The following UPB1 variants were observed in gnomAD, a reference collection of about 807,000 sequenced individuals.
UPB1 encodes beta-ureidopropionase.
Under a neutral mutation model 49.1 loss-of-function variants are expected in UPB1, and 40 were observed. The ratio of observed to expected loss-of-function variants is 0.81; its 90% CI spans 0.63 to 1.06. UPB1 has a LOEUF of 1.06. Ranked by LOEUF, UPB1 falls within the 50% of genes least tolerant of loss-of-function variation. The probability of loss-of-function intolerance (pLI) is 0.00; values close to 1 mark genes in which losing one functional copy is unlikely to be tolerated. For missense variants in UPB1, 499 were observed against 505.9 expected (o/e 0.99, Z 0.13); for synonymous variants, 207 against 198.2 (o/e 1.04, Z -0.38).
chr22:24,498,832 G>A (rs141454590), intron 1 of UPB1, among the ~76,000 whole-genome samples: 85 of 152,322 alleles, frequency 5.6e-4, no homozygotes, highest in South Asian at 1.0e-3. Flanking sequence ...CTGGCTCCCA[G>A]GCCCACAGGC....
intron 2 of UPB1, 64 bp downstream of exon 2, chr22:24,500,342 C>A: frequency 6.2e-7 from 1 of 1,604,402 alleles, no homozygotes; most frequent in Non-Finnish European, 8.5e-7. Context: ...TGGAGCACAC[C>A]TGCAGGCCCT....
chr22:24,517,124 CATTT>C (rs1443849145), intron 6 of UPB1, among the ~76,000 whole-genome samples: 11 of 152,184 alleles, frequency 7.2e-5, no homozygotes, highest in Non-Finnish European at 1.5e-4. Flanking sequence ...CCCCATTCAA[CATTT>C]ATTTACATAG....
rs2044474472 is a variant in UPB1 at position 24,525,843 on chromosome 22, G to GTC, written c.*49_*50insTC. The GTC allele has an allele frequency of 6.2e-7, 1 of 1,605,498 alleles. No individual in the cohort carries two copies. Among genetic ancestry groups the GTC allele is most frequent in the Non-Finnish European group, 8.5e-7 (1 of 1,172,392 alleles). On this transcript the variant is annotated 3_prime_UTR_variant, in exon 10 of 10. Coordinates refer to ENST00000326010, the MANE Select transcript of UPB1 (RefSeq NM_016327.3). ...GTGAGGAAGACACCTCTGCCCCAGT[G>GTC]GATTAGCAAGTGTGGCAGGCTTAAC...
chr22:24,519,599 C>G (rs1361608255), intron 6 of UPB1, among the ~76,000 whole-genome samples: 2 of 152,188 alleles, frequency 1.3e-5, no homozygotes, highest in Non-Finnish European at 2.9e-5. Context: ...GGCCACTAGC[C>G]CACTGGCCAG....
rs746375797 is a variant in UPB1, at chr22:24,495,484, C to T, written c.81C>T (p.Arg27=). 3.2e-5 allele frequency: 52 copies of T among 1,614,080 alleles called. No homozygotes were observed. The highest frequency in any genetic ancestry group is 6.7e-5 in the East Asian group (3 of 44,874). Reference sequence around the variant, plus strand: ...TCCCCGACTTGCAGGAAGTGAAGCGCGTTCTCTATGGCAAGGAACTCAGGT... The same window carrying T: ...TCCCCGACTTGCAGGAAGTGAAGCGTGTTCTCTATGGCAAGGAACTCAGGT... ...LPLPDLQEVK[R]VLYGKELRKL... is the part of the protein sequence containing the mutation. The change falls in exon 1 of 10, where the codon CGC becomes CGT. Residue 27 remains arginine (R), a synonymous_variant. Transcript: ENST00000326010.
chr22:24,495,695 T>C (rs1006533577), intron 1 of UPB1, among the ~76,000 whole-genome samples, 188 bp downstream of exon 1: 1 of 152,072 alleles, frequency 6.6e-6, no homozygotes, highest in Non-Finnish European at 1.5e-5. Flanking sequence ...TGCAGAATCC[T>C]GGCGTGACCT....
At chr22:24,508,963 C>G (rs1377168666) in intron 3 of UPB1, among the ~76,000 whole-genome samples, 1 of 152,134 alleles carries the variant, frequency 6.6e-6, no homozygotes, top group Admixed American at 6.5e-5. Flanking sequence ...TTAGTCCAGA[C>G]AAGGATTGAG....
At position 24,521,990 on chromosome 22, in the gene UPB1, A is replaced by C; in HGVS notation, c.878A>C (p.His293Pro). Residue 293 changes from histidine (H) to proline (P), a missense_variant, in exon 8 of 10, where the codon CAC (histidine) becomes CCC (proline). Coordinates refer to ENST00000326010, the MANE Select transcript of UPB1 (RefSeq NM_016327.3). ...TACCTTGGTCTTATTTCACAGGAGC[A>C]CTTCCCGAACGAGTTTACCTCGGGA... The part of the protein sequence containing the change: ...TCAINRVGTE[H>P]FPNEFTSGDG... 6.2e-7 allele frequency: 1 copy of C among 1,614,134 alleles called. No individual in the cohort carries two copies. Among genetic ancestry groups the C allele is most frequent in the East Asian group, 2.2e-5 (1 of 44,878 alleles).
At position 24,500,092 on chromosome 22, in the gene UPB1, T is replaced by C; in HGVS notation, c.105-15T>C. The C allele has an allele frequency of 6.2e-7, 1 of 1,614,100 alleles. No individual in the cohort carries two copies. Among genetic ancestry groups the C allele is most frequent in the African/African-American group, 1.3e-5 (1 of 75,064 alleles). On this transcript the variant is annotated splice_polypyrimidine_tract_variant and intron_variant, in intron 1 of 9. Transcript: ENST00000326010. ...GCATCAAAATCCCCTTCCCTCTTTT[T>C]TCCTGCCCATCTAGGAAGCTTGATC... is the stretch of plus-strand genomic sequence containing the variant.
intron 9 of UPB1, among the ~76,000 whole-genome samples, chr22:24,524,771 T>A (rs1226985578): frequency 6.6e-6 from 1 of 152,232 alleles, no homozygotes; most frequent in Non-Finnish European, 1.5e-5. Flanking sequence ...ATTATAGACA[T>A]AAGCCACTGT....
At chr22:24,520,363 G>A in intron 6 of UPB1, 24 bp from the exon 7 acceptor site, 3 of 1,613,706 alleles carry the variant, frequency 1.9e-6, no homozygotes, top group Non-Finnish European at 2.5e-6. Flanking sequence ...CGGCAACCTG[G>A]TTCCTCTTGG....
At chr22:24,522,218 A>G (rs1341725156) in intron 8 of UPB1, among the ~76,000 whole-genome samples, 190 bp downstream of exon 8, 1 of 152,042 alleles carries the variant, frequency 6.6e-6, no homozygotes, top group African/African-American at 2.4e-5. Flanking sequence ...GGGTGTGGAT[A>G]GGCAGTCCTG....
chr22:24,515,628 A>G (rs1202391757), intron 6 of UPB1, among the ~76,000 whole-genome samples: 1 of 152,222 alleles, frequency 6.6e-6, no homozygotes, highest in Non-Finnish European at 1.5e-5. Context: ...GATTCTGAAC[A>G]CTGAGATGAA....
At chr22:24,502,988 A>G (rs772011562) in intron 3 of UPB1, 21 of 157,532 alleles carry the variant, frequency 1.3e-4, no homozygotes, top group Non-Finnish European at 2.8e-4. Flanking sequence ...AGGCCCAAGC[A>G]ATCCTCCCAC....
Position 24,513,471 on chromosome 22 carries a change from G to C in UPB1, c.607G>C (p.Gly203Arg). Residue 203 changes from glycine (G) to arginine (R), a missense_variant, in exon 5 of 10, where the codon GGT (glycine) becomes CGT (arginine). Coordinates refer to ENST00000326010, the MANE Select transcript of UPB1 (RefSeq NM_016327.3). ...CAGGAAAAACCACATCCCCAGAGTGGGTGATTTCAACGAGGTGAGCCACCC... is the reference window on the plus strand; with the variant it reads ...CAGGAAAAACCACATCCCCAGAGTGCGTGATTTCAACGAGGTGAGCCACCC... ...KTRKNHIPRV[G>R]DFNESTYYME... The C allele has an allele frequency of 6.2e-7, 1 of 1,614,048 alleles. No homozygotes were observed. Among genetic ancestry groups the C allele is most frequent in the African/African-American group, 1.3e-5 (1 of 75,036 alleles).
At position 24,500,249 on chromosome 22, in the gene UPB1, C is replaced by G; in HGVS notation, c.247C>G (p.Leu83Val). The G allele has an allele frequency of 2.5e-6, 4 of 1,614,216 alleles. No homozygotes were observed. Among genetic ancestry groups the G allele is most frequent in the Non-Finnish European group, 3.4e-6 (4 of 1,180,042 alleles). Residue 83 changes from leucine (L) to valine (V), a missense_variant, in exon 2 of 10, where the codon CTC becomes GTC. Coordinates refer to ENST00000326010, the MANE Select transcript of UPB1 (RefSeq NM_016327.3). ...GGGGCTGGTTCAGAACAGAATCCCC[C>G]TCCCCGCAAATGCCCCTGTGGCAGA... ...HVGLVQNRIP[L>V]PANAPVAEQV...
chr22:24,505,538 C>T (rs1266669773), intron 3 of UPB1, among the ~76,000 whole-genome samples: 1 of 152,150 alleles, frequency 6.6e-6, no homozygotes, highest in Non-Finnish European at 1.5e-5. Context: ...TTTACTCAAT[C>T]CCTCTGTTTT....
intron 4 of UPB1, among the ~76,000 whole-genome samples, chr22:24,511,223 G>T (rs974186220): frequency 1.3e-5 from 2 of 152,176 alleles, no homozygotes; most frequent in Admixed American, 6.5e-5. Context: ...CAGAAGCTTC[G>T]ATGCATGGCC....
intron 9 of UPB1, among the ~76,000 whole-genome samples, chr22:24,524,298 T>G (rs2147045103): frequency 6.6e-6 from 1 of 152,242 alleles, no homozygotes; most frequent in East Asian, 1.9e-4. Context: ...AGTTGTAAAA[T>G]ACGGGGCTTA....
Sources: allele counts gnomAD v4.1 joint callset (sites outside exome capture counted in the v4.1 genomes callset), GRCh38; gene constraint gnomAD v4.1.1; transcripts MANE v1.5; gene names NCBI Gene and HGNC (gene_info 2026-07-23, HGNC 2026-07-21).